The following LRRIQ3 variants were observed in gnomAD, a reference collection of about 807,000 sequenced individuals.
LRRIQ3 encodes the protein leucine-rich repeat and IQ domain-containing protein 3.
A neutral mutation model predicts 59.3 loss-of-function variants in LRRIQ3; 75 were observed. That is an observed-to-expected ratio of 1.26 (90% CI 1.05 to 1.53). The LOEUF is 1.53. Ranked by LOEUF, LRRIQ3 falls within the 40% of genes most tolerant of loss-of-function variation. LRRIQ3 has a pLI of 0.00. For missense variants in LRRIQ3, 831 were observed against 710.0 expected (o/e 1.17, Z -1.94); for synonymous variants, 250 against 231.3 (o/e 1.08, Z -0.73).
In LRRIQ3 at chr1:74,074,770, A is replaced by G. The variant is rs200376275; in HGVS notation, c.888T>C (p.Asp296=). 39 of 1,388,862 alleles carry G rather than the reference A, an allele frequency of 2.8e-5. No homozygotes were observed. The African/African-American group carries it at 5.0e-4, about 18-fold the overall frequency. The allele number at this position is 1,388,862 out of a possible 1,614,324, so 86.0% of individuals were successfully genotyped here. ...TTCTGTGTTCACTGGAATTTTTTAA[A>G]TCAACAGGATAATATATATTCTGTG... ...YWKHNIYYPV[D]LKNSSEHRKH... is the part of the protein sequence containing the mutation. Residue 296 remains aspartate (D), a synonymous_variant, in exon 6 of 8, where the codon GAT becomes GAC. Transcript: ENST00000354431.
At chr1:74,057,186 A>G (rs1289925363) in intron 6 of LRRIQ3, among the ~76,000 whole-genome samples, 1 of 152,120 alleles carries the variant, frequency 6.6e-6, no homozygotes, top group East Asian at 1.9e-4. Context: ...TTCCTATCAA[A>G]ATACTAACGA....
chr1:74,154,620 A>G lies in LRRIQ3; in HGVS notation c.707+1113T>C, dbSNP rs548501399. Among the ~76,000 whole-genome samples, 220 of 152,338 alleles carry G rather than the reference A, an allele frequency of 1.4e-3. 1 individual carries two copies. The highest frequency in any genetic ancestry group is 5.0e-3 in the African/African-American group (207 of 41,566). ...TGAGAACCTTCATTCTACCAGAGAA[A>G]AAAATCCCTGGGAAATAACCTAAAA... On this transcript the variant is annotated intron_variant, in intron 4 of 7. Coordinates refer to ENST00000354431, the MANE Select transcript of LRRIQ3 (RefSeq NM_001105659.2).
chr1:74,164,514 T>C (rs964952115), intron 3 of LRRIQ3, among the ~76,000 whole-genome samples: 1 of 151,454 alleles, frequency 6.6e-6, no homozygotes, highest in Non-Finnish European at 1.5e-5. Context: ...AATAAATAAA[T>C]ACATTTCTCT....
chr1:74,134,078 T>G (rs926340571), intron 4 of LRRIQ3, among the ~76,000 whole-genome samples: 1 of 151,966 alleles, frequency 6.6e-6, no homozygotes, highest in Non-Finnish European at 1.5e-5. Flanking sequence ...ATTATTGGAG[T>G]AAGAGTATCT....
chr1:74,147,386 A>G (rs1251942750), intron 4 of LRRIQ3, among the ~76,000 whole-genome samples: 2 of 152,222 alleles, frequency 1.3e-5, no homozygotes, highest in Admixed American at 1.3e-4. Flanking sequence ...GCTTTGGTCA[A>G]CCATGAAAGA....
At chr1:74,069,276 A>T (rs188843566) in intron 6 of LRRIQ3, among the ~76,000 whole-genome samples, 76 of 152,158 alleles carry the variant, frequency 5.0e-4, no homozygotes, top group African/African-American at 1.8e-3. Flanking sequence ...CTTATTATAA[A>T]GGGTTAAAAA....
intron 3 of LRRIQ3, among the ~76,000 whole-genome samples, chr1:74,171,901 C>A (rs1425342669): frequency 6.6e-6 from 1 of 151,976 alleles, no homozygotes; most frequent in African/African-American, 2.4e-5. Context: ...TCTAAGTTGT[C>A]CACTTTGTTG....
intron 4 of LRRIQ3, among the ~76,000 whole-genome samples, chr1:74,116,843 A>C (rs1646783354): frequency 7.2e-5 from 11 of 152,104 alleles, no homozygotes; most frequent in Admixed American, 7.2e-4. Flanking sequence ...ACCATTAATA[A>C]GGTATAAATT....
intron 4 of LRRIQ3, among the ~76,000 whole-genome samples, chr1:74,147,199 A>C: frequency 6.6e-6 from 1 of 152,218 alleles, no homozygotes; most frequent in East Asian, 1.9e-4. Flanking sequence ...ACTGCAGTCC[A>C]TCCTGGACTA....
intron 5 of LRRIQ3, among the ~76,000 whole-genome samples, chr1:74,087,974 T>C (rs1048838991): frequency 1.3e-5 from 2 of 151,952 alleles, no homozygotes; most frequent in South Asian, 2.1e-4. Flanking sequence ...GCGCCTGTAG[T>C]CCCAGCTACT....
At chr1:74,170,821 AC>A (rs1649279126) in intron 3 of LRRIQ3, among the ~76,000 whole-genome samples, 1 of 152,090 alleles carries the variant, frequency 6.6e-6, no homozygotes, top group Non-Finnish European at 1.5e-5. Context: ...ATACCTTCCA[AC>A]TTATTTATGT....
intron 3 of LRRIQ3, 66 bp downstream of exon 3, chr1:74,182,472 A>T (rs1650039126): frequency 1.0e-6 from 1 of 960,482 alleles, no homozygotes; most frequent in Non-Finnish European, 1.4e-6. Flanking sequence ...TTAGATATAG[A>T]ACTCAGAAGC....
intron 4 of LRRIQ3, among the ~76,000 whole-genome samples, chr1:74,131,248 A>T (rs1270280334): frequency 1.3e-5 from 2 of 152,126 alleles, no homozygotes; most frequent in African/African-American, 4.8e-5. Flanking sequence ...CTACAGACCA[A>T]AAAAAGTCCA....
intron 5 of LRRIQ3, chr1:74,082,309 G>C (rs576064022): frequency 1.3e-5 from 2 of 151,358 alleles, no homozygotes; most frequent in African/African-American, 4.8e-5. Context: ...TCATGTTTTA[G>C]GCCAATTAGT....
At chr1:74,060,316 T>TCCTCCTCCTCCTCTTCCA (rs1654685025) in intron 6 of LRRIQ3, among the ~76,000 whole-genome samples, 2 of 148,992 alleles carry the variant, frequency 1.3e-5, no homozygotes, top group Non-Finnish European at 3.0e-5. Context: ...TTCTTCTTCC[T>TCCTCCTCCTCCTCTTCCA]CCTCCTCCTC....
chr1:74,166,505 C>T lies in LRRIQ3; in HGVS notation c.574-10639G>A, dbSNP rs142833964. On this transcript the variant is annotated intron_variant, in intron 3 of 7. Coordinates refer to ENST00000354431, the MANE Select transcript of LRRIQ3 (RefSeq NM_001105659.2). ...TTCAAAGAACCAGATGCTTGTTTTC[C>T]TAATTTTCTCAACTTCTTTGGTTTT... is the stretch of plus-strand genomic sequence containing the variant. 4.9e-3 allele frequency among the ~76,000 whole-genome samples: 740 copies of T among 150,888 alleles called. 20 individuals carry two copies. The highest frequency in any genetic ancestry group is 0.041 in the Admixed American group (619 of 15,158).
chr1:74,131,759 C>A (rs1015346507), intron 4 of LRRIQ3, among the ~76,000 whole-genome samples: 2 of 152,144 alleles, frequency 1.3e-5, no homozygotes, highest in Non-Finnish European at 2.9e-5. Context: ...GACAAACCCA[C>A]AGCCAATATC....
chr1:74,133,671 T>C (rs550692978), intron 4 of LRRIQ3, among the ~76,000 whole-genome samples: 3 of 149,276 alleles, frequency 2.0e-5, no homozygotes, highest in Non-Finnish European at 4.4e-5. Flanking sequence ...ATGAGAACAC[T>C]TGGACACAAA....
chr1:74,076,042 G>C (rs1034847377), intron 5 of LRRIQ3, among the ~76,000 whole-genome samples: 33 of 152,088 alleles, frequency 2.2e-4, no homozygotes, highest in African/African-American at 7.5e-4. Flanking sequence ...TATTTTGCTA[G>C]GTGTTTTGCT....
Sources: gnomAD v4.1 joint callset for allele counts (sites outside exome capture counted in the v4.1 genomes callset) on GRCh38, gnomAD v4.1.1 for gene constraint, MANE v1.5 for transcripts, NCBI Gene and HGNC (gene_info 2026-07-23, HGNC 2026-07-21) for gene names.